Variants in DLC1 observed in about 807,000 individuals in gnomAD.
The protein encoded by DLC1 is DLC1 Rho GTPase activating protein.
A neutral mutation model predicts 140.3 loss-of-function variants in DLC1; 54 were observed. The ratio of observed to expected loss-of-function variants is 0.38; its 90% confidence interval spans 0.31 to 0.48. The LOEUF is 0.48. DLC1 is among the 20% of genes least tolerant of loss of function. The probability of loss-of-function intolerance (pLI) is 0.96; values close to 1 mark genes in which losing one functional copy is unlikely to be tolerated. For synonymous variants in DLC1, 986 were observed against 728.1 expected, an observed-to-expected ratio of 1.35 and a Z score of -5.70; for missense variants, 2,536 against 1,907.0, an observed-to-expected ratio of 1.33 and a Z score of -6.14.
chr8:13,378,207 T>G (rs913985189), intron 4 of DLC1, among the ~76,000 whole-genome samples: 4 of 147,548 alleles, frequency 2.7e-5, no homozygotes, highest in African/African-American at 9.9e-5. Context: ...CCCTAAAACT[T>G]AAAGTTCTTT....
intron 1 of DLC1, among the ~76,000 whole-genome samples, chr8:13,569,489 A>T (rs767286436): frequency 5.9e-5 from 9 of 152,136 alleles, no homozygotes; most frequent in Non-Finnish European, 1.0e-4. Flanking sequence ...TATCTTTGAC[A>T]TCTCAATATA....
intron 2 of DLC1, among the ~76,000 whole-genome samples, chr8:13,403,666 C>G (rs1330325656): frequency 1.3e-5 from 2 of 152,150 alleles, no homozygotes; most frequent in Admixed American, 1.3e-4. Flanking sequence ...AACAAGGTCT[C>G]ACTCTGTTGC....
chr8:13,151,252 C>A (rs184132338), intron 5 of DLC1, among the ~76,000 whole-genome samples: 114 of 152,290 alleles, frequency 7.5e-4, no homozygotes, highest in Non-Finnish European at 1.3e-3. Flanking sequence ...TAATGAATTA[C>A]CAGTAAAAAC....
At chr8:13,301,211 C>T (rs898421498) in intron 5 of DLC1, among the ~76,000 whole-genome samples, 25 of 149,314 alleles carry the variant, frequency 1.7e-4, no homozygotes, top group Non-Finnish European at 3.4e-4. Flanking sequence ...GAGAGAATTT[C>T]AGTCTAATAG....
chr8:13,539,545 AGCTCCTTTAAGAACAGGAGGC>A (rs1803414997), intron 1 of DLC1, among the ~76,000 whole-genome samples: 1 of 152,120 alleles, frequency 6.6e-6, no homozygotes, highest in Admixed American at 6.5e-5. Context: ...GCAAGCTGAG[AGCTCCTTTAAGAACAGGAGGC>A]GCAGTGCCCT....
At chr8:13,470,137 A>C (rs1563375270) in intron 2 of DLC1, among the ~76,000 whole-genome samples, 1 of 152,206 alleles carries the variant, frequency 6.6e-6, no homozygotes, top group Non-Finnish European at 1.5e-5. Context: ...CTTTTGAATA[A>C]AATAATCCTT....
chr8:13,522,419 G>T (rs551372658), intron 1 of DLC1, among the ~76,000 whole-genome samples: 3 of 152,224 alleles, frequency 2.0e-5, no homozygotes, highest in East Asian at 1.9e-4. Flanking sequence ...GAGGTCAGGA[G>T]TTCAAGACCA....
intron 1 of DLC1, among the ~76,000 whole-genome samples, chr8:13,500,793 G>A (rs2117207547): frequency 6.8e-6 from 1 of 146,530 alleles, no homozygotes; most frequent in East Asian, 2.0e-4. Flanking sequence ...AACACAGAAT[G>A]CATGGATTAG....
intron 2 of DLC1, among the ~76,000 whole-genome samples, chr8:13,437,819 C>G (rs759990926): frequency 6.6e-6 from 1 of 152,012 alleles, no homozygotes; most frequent in Non-Finnish European, 1.5e-5. Flanking sequence ...ATTCAAATAA[C>G]AGAATCAAGA....
intron 4 of DLC1, among the ~76,000 whole-genome samples, chr8:13,333,381 G>A (rs1421674012): frequency 6.7e-6 from 1 of 149,486 alleles, no homozygotes; most frequent in Non-Finnish European, 1.5e-5. Flanking sequence ...GAGCACCACC[G>A]TGCCTGGCTG....
chr8:13,386,853 G>C (rs539562593), intron 4 of DLC1, among the ~76,000 whole-genome samples: 7 of 151,912 alleles, frequency 4.6e-5, no homozygotes, highest in African/African-American at 1.7e-4. Flanking sequence ...TATAAATTTT[G>C]CCTATTTTTC....
chr8:13,534,546 T>A (rs1803205138), intron 1 of DLC1, among the ~76,000 whole-genome samples: 1 of 152,136 alleles, frequency 6.6e-6, no homozygotes, highest in South Asian at 2.1e-4. Flanking sequence ...CAATTTTCCT[T>A]CTTCTCTGCT....
At chr8:13,280,356 C>CTTATTTCTGTGAT (rs1379272006) in intron 5 of DLC1, among the ~76,000 whole-genome samples, 4 of 145,542 alleles carry the variant, frequency 2.7e-5, no homozygotes, top group Non-Finnish European at 6.0e-5. Context: ...TTTGCAGTTT[C>CTTATTTCTGTGAT]TTATTTCTGT....
intron 14 of DLC1, 128 bp from the exon 15 acceptor site, chr8:13,090,598 G>GCGGGA: frequency 9.5e-7 from 1 of 1,048,648 alleles, no homozygotes; most frequent in Non-Finnish European, 1.4e-6. Context: ...CTTCCCGCCG[G>GCGGGA]AGGTGGGCTA....
In DLC1 at chr8:13,341,166, G is replaced by C. The variant is rs955309408; in HGVS notation, c.1315-35864C>G. On this transcript the variant is annotated intron_variant, in intron 4 of 17. Coordinates refer to ENST00000276297, the MANE Select transcript of DLC1 (RefSeq NM_182643.3). Reference sequence around the variant, plus strand: ...CTTTAGCTTATAACCACAACACTGAGCAAAAAACACCAATAACAAATGCAT... The same window carrying C: ...CTTTAGCTTATAACCACAACACTGACCAAAAAACACCAATAACAAATGCAT... The C allele has an allele frequency of 3.0e-4, 46 of 152,166 alleles. 1 individual carries two copies. The highest frequency in any genetic ancestry group is 1.1e-3 in the African/African-American group (45 of 41,508). 9.4% of individuals were successfully genotyped at this position (152,166 alleles called of 1,614,324 possible). A position where few individuals can be genotyped will look rare whatever the true frequency, so the allele number is the denominator to read the frequency against.
At chr8:13,472,035 T>A (rs140593406) in intron 2 of DLC1, among the ~76,000 whole-genome samples, 143 of 152,358 alleles carry the variant, frequency 9.4e-4, no homozygotes, top group African/African-American at 2.2e-3. Context: ...CTATTTCAGT[T>A]GTGTATCAGT....
intron 4 of DLC1, among the ~76,000 whole-genome samples, chr8:13,307,052 C>G (rs552395389): frequency 1.4e-5 from 2 of 138,232 alleles, no homozygotes; most frequent in Non-Finnish European, 3.0e-5. Context: ...CCATTGCACT[C>G]CATCCAGGGT....
intron 2 of DLC1, among the ~76,000 whole-genome samples, chr8:13,429,597 A>T (rs1423465440): frequency 6.6e-6 from 1 of 152,236 alleles, no homozygotes; most frequent in Non-Finnish European, 1.5e-5. Context: ...AAAGCAAAAA[A>T]GGGAAAGTTT....
chr8:13,232,977 G>C (rs1217228051), intron 5 of DLC1, among the ~76,000 whole-genome samples: 1 of 152,104 alleles, frequency 6.6e-6, no homozygotes, highest in East Asian at 1.9e-4. Context: ...TTGAACAAAA[G>C]GAATCATTAA....
Sources: allele counts gnomAD v4.1 joint callset (sites outside exome capture counted in the v4.1 genomes callset), GRCh38; gene constraint gnomAD v4.1.1; transcripts MANE v1.5; gene names NCBI Gene and HGNC (gene_info 2026-07-23, HGNC 2026-07-21).